The following INTS9 variants were observed in gnomAD, a reference collection of about 807,000 sequenced individuals.
INTS9 encodes integrator complex subunit 9, also known as protein related to CPSF subunits of 74 kDa.
A neutral mutation model predicts 79.7 loss-of-function variants in INTS9; 55 were observed. The observed-to-expected ratio is 0.69, with a 90% CI of 0.56 to 0.86. The LOEUF (loss-of-function observed/expected upper bound fraction) is 0.86. Among genes scored for constraint, INTS9 ranks in the 40% least tolerant of loss-of-function variants. The probability of loss-of-function intolerance (pLI) is 0.00; values close to 1 mark genes in which losing one functional copy is unlikely to be tolerated. For synonymous variants in INTS9, 319 were observed against 325.2 expected (o/e 0.98, Z 0.20); for missense variants, 721 against 831.5 (o/e 0.87, Z 1.64).
chr8:28,795,638 TCAAAAAA>T (rs1223389282), intron 9 of INTS9, among the ~76,000 whole-genome samples: 224 of 41,242 alleles, frequency 5.4e-3, no homozygotes, highest in African/African-American at 0.024. Flanking sequence ...AGACTCCGTC[TCAAAAAA>T]AAAAAAAAAA....
At chr8:28,866,808 C>T (rs1197003505) in intron 1 of INTS9, among the ~76,000 whole-genome samples, 2 of 151,020 alleles carry the variant, frequency 1.3e-5, no homozygotes, top group Admixed American at 6.6e-5. Context: ...AACCTCATCT[C>T]TACTAAAAAT....
At chr8:28,810,654 G>A (rs1805062305) in intron 8 of INTS9, among the ~76,000 whole-genome samples, 2 of 151,910 alleles carry the variant, frequency 1.3e-5, no homozygotes, top group South Asian at 2.1e-4. Context: ...ATGTAATATG[G>A]ACTTCCACAA....
chr8:28,815,632 A>T (rs371057294), intron 6 of INTS9, among the ~76,000 whole-genome samples: 3 of 152,202 alleles, frequency 2.0e-5, no homozygotes, highest in Non-Finnish European at 1.5e-5. Flanking sequence ...AGTATTTCAC[A>T]TAAGGGACAC....
chr8:28,822,111 T>C (rs1030609235), intron 6 of INTS9, among the ~76,000 whole-genome samples: 6 of 151,894 alleles, frequency 4.0e-5, no homozygotes, highest in Non-Finnish European at 5.9e-5. Context: ...AGAATTGATG[T>C]CAAAAAAATA....
At chr8:28,868,754 ACTC>A (rs1307304601) in intron 1 of INTS9, among the ~76,000 whole-genome samples, 2 of 151,870 alleles carry the variant, frequency 1.3e-5, no homozygotes, top group Admixed American at 1.3e-4. Flanking sequence ...GTCAGTCAAA[ACTC>A]CTCTTTTATA....
intron 6 of INTS9, among the ~76,000 whole-genome samples, chr8:28,833,666 G>C (rs1276656532): frequency 7.0e-6 from 1 of 143,722 alleles, no homozygotes; most frequent in African/African-American, 2.6e-5. Flanking sequence ...AAAAACAAAA[G>C]AAAAAGAAAA....
chr8:28,789,867 G>A (rs1306560969), intron 10 of INTS9, among the ~76,000 whole-genome samples: 1 of 144,610 alleles, frequency 6.9e-6, no homozygotes, highest in African/African-American at 2.5e-5. Context: ...GACAGAGTGA[G>A]AGCCTGTCTC....
chr8:28,772,537 G>A (rs773135749), intron 14 of INTS9, among the ~76,000 whole-genome samples: 28 of 150,544 alleles, frequency 1.9e-4, no homozygotes, highest in African/African-American at 5.2e-4. Context: ...GGCCGGGCAC[G>A]GTGGTTCACG....
chr8:28,888,328 G>A (rs187027632), intron 1 of INTS9, among the ~76,000 whole-genome samples: 137 of 152,290 alleles, frequency 9.0e-4, no homozygotes, highest in Non-Finnish European at 1.7e-3. Context: ...GAGGTGGGCA[G>A]ATACCTTGAA....
At chr8:28,837,544 A>T in intron 5 of INTS9, 93 bp downstream of exon 5, 3 of 1,378,778 alleles carry the variant, frequency 2.2e-6, no homozygotes, top group Non-Finnish European at 2.9e-6. Flanking sequence ...GAAGGAACTA[A>T]CCACCAGCCC....
At chr8:28,803,162 G>C (rs2131000623) in intron 8 of INTS9, among the ~76,000 whole-genome samples, 1 of 152,102 alleles carries the variant, frequency 6.6e-6, no homozygotes, top group Non-Finnish European at 1.5e-5. Context: ...CTAACGTCTA[G>C]GTATATGTAG....
chr8:28,857,421 G>C (rs1808234132), intron 2 of INTS9, among the ~76,000 whole-genome samples: 1 of 152,184 alleles, frequency 6.6e-6, no homozygotes, highest in Admixed American at 6.5e-5. Context: ...TGGGGCCTAA[G>C]AGGTTCTAGT....
Position 28,835,306 on chromosome 8 carries a change from A to G in INTS9, c.474T>C (p.Asn158=), listed in dbSNP as rs745922890. The change falls in exon 6 of 17, where the codon AAT becomes AAC. Residue 158 remains asparagine, a synonymous_variant. Transcript: ENST00000521022. The stretch of plus-strand genomic sequence containing the variant: ...CTGTTCCTCACCTCTGAATGTCCTT[A>G]TTCTTCCACAAGGAGGCAGACTGAG... ...PKAQSASLWK[N]KDIQRLLPSP... 1.2e-6 allele frequency: 2 copies of G among 1,613,116 alleles called. No homozygotes were observed. The highest frequency in any genetic ancestry group is 1.7e-6 in the Non-Finnish European group (2 of 1,179,174).
At chr8:28,847,313 C>A (rs1807575427) in intron 3 of INTS9, among the ~76,000 whole-genome samples, 1 of 152,132 alleles carries the variant, frequency 6.6e-6, no homozygotes, top group African/African-American at 2.4e-5. Context: ...TGTTTAGAAG[C>A]TTTTTCTTCA....
chr8:28,855,427 A>G (rs1808096442), intron 2 of INTS9, among the ~76,000 whole-genome samples: 1 of 152,220 alleles, frequency 6.6e-6, no homozygotes, highest in South Asian at 2.1e-4. Context: ...GGAAAATGGA[A>G]CCATGTGCCT....
intron 1 of INTS9, among the ~76,000 whole-genome samples, chr8:28,871,079 G>A (rs1217410596): frequency 6.6e-6 from 1 of 152,164 alleles, no homozygotes; most frequent in East Asian, 1.9e-4. Context: ...AAGTACTAGG[G>A]CTGAGAAAAG....
intron 6 of INTS9, among the ~76,000 whole-genome samples, chr8:28,822,244 GA>G (rs1805874789): frequency 6.6e-6 from 1 of 152,156 alleles, no homozygotes; most frequent in African/African-American, 2.4e-5. Flanking sequence ...GACAATCTAA[GA>G]GGTTCAGCAT....
chr8:28,814,923 G>A, intron 6 of INTS9, among the ~76,000 whole-genome samples: 1 of 152,212 alleles, frequency 6.6e-6, no homozygotes, highest in South Asian at 2.1e-4. Flanking sequence ...ATGGTAAAGT[G>A]TGGAAGTGAA....
intron 9 of INTS9, among the ~76,000 whole-genome samples, chr8:28,794,931 A>C (rs1231293990): frequency 6.6e-6 from 1 of 152,200 alleles, no homozygotes; most frequent in Non-Finnish European, 1.5e-5. Context: ...TGAGTCTGTG[A>C]TTCTAGATTA....
Sources: gnomAD v4.1 joint callset for allele counts (sites outside exome capture counted in the v4.1 genomes callset) on GRCh38, gnomAD v4.1.1 for gene constraint, MANE v1.5 for transcripts, NCBI Gene and HGNC (gene_info 2026-07-23, HGNC 2026-07-21) for gene names.